SPTBN2: variants seen among roughly 807,000 people sequenced by gnomAD.
The protein encoded by SPTBN2 is spectrin beta, non-erythrocytic 2.
SPTBN2 carries 107 observed loss-of-function variants against 284.2 expected under a neutral mutation model. The observed-to-expected ratio is 0.38, with a 90% confidence interval of 0.32 to 0.44. The LOEUF (loss-of-function observed/expected upper bound fraction) is 0.44. Among genes scored for constraint, SPTBN2 ranks in the 20% least tolerant of loss-of-function variants. The probability of loss-of-function intolerance (pLI) is 1.00; values close to 1 mark genes in which losing one functional copy is unlikely to be tolerated. For synonymous variants in SPTBN2, 1,289 were observed against 1,354.8 expected (o/e 0.95, Z 1.07); for missense variants, 2,569 against 3,287.1 (o/e 0.78, Z 5.34).
intron 15 of SPTBN2, 115 bp downstream of exon 15, chr11:66,704,483 C>A: frequency 8.1e-7 from 1 of 1,241,466 alleles, no homozygotes; most frequent in South Asian, 1.5e-5. Flanking sequence ...AATGGACAAC[C>A]ATTAAGACTC....
In SPTBN2 at chr11:66,705,674, G is replaced by A. The variant is rs756583074; in HGVS notation, c.1807+10C>T. 2 of 1,610,662 alleles carry A rather than the reference G, an allele frequency of 1.2e-6. No homozygotes were observed. Among genetic ancestry groups the A allele is most frequent in the African/African-American group, 1.3e-5 (1 of 74,916 alleles). On this transcript the variant is annotated intron_variant, in intron 14 of 37. Coordinates refer to ENST00000533211, the MANE Select transcript of SPTBN2 (RefSeq NM_006946.4). ...CCCCTCCCTCTCCAGTGCCTTCGCT[G>A]ACTTCTCACCTTTCCCTGGGTTGCA...
chr11:66,689,550 C>T (rs532722350), intron 29 of SPTBN2, among the ~76,000 whole-genome samples: 153 of 152,084 alleles, frequency 1.0e-3, no homozygotes, highest in African/African-American at 3.6e-3. Context: ...GTGATCTGCC[C>T]GCCTGGGCCT....
chr11:66,697,114 G>C (rs559368828), intron 20 of SPTBN2, among the ~76,000 whole-genome samples: 3 of 152,278 alleles, frequency 2.0e-5, no homozygotes, highest in African/African-American at 7.2e-5. Context: ...CTTGTGCCGT[G>C]GCTGTGAGAG....
intron 3 of SPTBN2, among the ~76,000 whole-genome samples, chr11:66,720,653 A>G (rs1437775576): frequency 6.6e-6 from 1 of 152,138 alleles, no homozygotes. Context: ...ACAGGTGGAG[A>G]GGGAGCAGAG....
intron 3 of SPTBN2, 89 bp from the exon 4 acceptor site, chr11:66,716,070 G>A: frequency 1.9e-6 from 3 of 1,576,658 alleles, no homozygotes. Context: ...GGATGGAGAA[G>A]CCTGAGAGAT....
intron 1 of SPTBN2, among the ~76,000 whole-genome samples, chr11:66,734,904 AAGCAGC>A (rs547474699): frequency 1.7e-3 from 260 of 152,284 alleles, no homozygotes; most frequent in African/African-American, 5.9e-3. Flanking sequence ...TCCATCACTT[AAGCAGC>A]AGCAGCAGCA....
At position 66,705,665 on chromosome 11, in the gene SPTBN2, G is replaced by T; in HGVS notation, c.1807+19C>A. On this transcript the variant is annotated intron_variant, in intron 14 of 37. Coordinates refer to ENST00000533211, the MANE Select transcript of SPTBN2 (RefSeq NM_006946.4). ...CCTTCCCAGCCCCTCCCTCTCCAGT[G>T]CCTTCGCTGACTTCTCACCTTTCCC... The T allele has an allele frequency of 6.2e-7, 1 of 1,609,614 alleles. No homozygotes were observed.
chr11:66,688,388 C>G, intron 31 of SPTBN2, 77 bp from the exon 32 acceptor site: 1 of 1,544,068 alleles, frequency 6.5e-7, no homozygotes, highest in Non-Finnish European at 8.7e-7. Flanking sequence ...GCTGAAATGT[C>G]TCAACTCTAA....
intron 15 of SPTBN2, among the ~76,000 whole-genome samples, chr11:66,703,326 C>A (rs1941347146): frequency 6.6e-6 from 1 of 152,102 alleles, no homozygotes; most frequent in South Asian, 2.1e-4. Context: ...AAGTGATACT[C>A]CTGCCTTGGC....
intron 15 of SPTBN2, 69 bp downstream of exon 15, chr11:66,704,529 C>T: frequency 3.2e-6 from 5 of 1,545,598 alleles, no homozygotes; most frequent in Non-Finnish European, 1.8e-6. Flanking sequence ...GAGGGACTCA[C>T]CACCCACATC....
chr11:66,714,041 C>A, intron 7 of SPTBN2, 50 bp downstream of exon 7: 1 of 1,589,048 alleles, frequency 6.3e-7, no homozygotes, highest in South Asian at 1.1e-5. Context: ...CACCCCAGGT[C>A]ATTAGCCGAC....
At chr11:66,689,495 A>C in intron 29 of SPTBN2, 1 of 541,966 alleles carries the variant, frequency 1.8e-6, no homozygotes, top group South Asian at 2.0e-5. Flanking sequence ...CAGCCCAGCC[A>C]CACAACCCAT....
chr11:66,738,513 T>A (rs985223942), intron 1 of SPTBN2, among the ~76,000 whole-genome samples: 5 of 152,160 alleles, frequency 3.3e-5, no homozygotes, highest in African/African-American at 1.2e-4. Flanking sequence ...GACTTTATTA[T>A]TTTTAAATTA....
At chr11:66,688,520 A>T in intron 31 of SPTBN2, 133 bp downstream of exon 31, 1 of 1,459,558 alleles carries the variant, frequency 6.9e-7, no homozygotes, top group Admixed American at 2.0e-5. Context: ...GTGTGGTGAC[A>T]ATGGCACTCT....
intron 8 of SPTBN2, 75 bp downstream of exon 8, chr11:66,713,556 C>T (rs923695070): frequency 2.3e-5 from 27 of 1,173,164 alleles, no homozygotes; most frequent in African/African-American, 4.5e-5. Flanking sequence ...CTTCCCCCTC[C>T]GCAGCCCCTG....
Position 66,715,358 on chromosome 11 carries a change from A to G in SPTBN2, c.347T>C (p.Leu116Pro). The G allele has an allele frequency of 6.2e-7, 1 of 1,614,094 alleles. No individual in the cohort carries two copies. The highest frequency in any genetic ancestry group is 1.1e-5 in the South Asian group (1 of 91,074). Reference protein sequence around the residue: ...PTKGRMRIHCLENVDKALQFL... With the variant: ...PTKGRMRIHCPENVDKALQFL... ...CTGCAGTGCCTTGTCCACGTTCTCC[A>G]GGCAGTGGATCCGCATGCGGCCCTT... Residue 116 changes from leucine (L) to proline (P), a missense_variant, in exon 5 of 38, where the codon CTG becomes CCG. By Grantham distance (98) the Leu-to-Pro change is moderately conservative. Around this residue, in one of 6 missense-constraint regions of SPTBN2, gnomAD observed 304 missense variants for 522.1 expected, o/e 0.58. Coordinates refer to ENST00000533211, the MANE Select transcript of SPTBN2 (RefSeq NM_006946.4). This position sits in a 1 kb window ranked among gnomAD's most constrained non-coding sequence, Gnocchi z 5.3.
intron 1 of SPTBN2, among the ~76,000 whole-genome samples, chr11:66,738,311 G>A (rs778218283): frequency 1.3e-5 from 2 of 152,100 alleles, no homozygotes; most frequent in African/African-American, 2.4e-5. Flanking sequence ...ATTTCTGGGA[G>A]GATTTTCCTA....
chr11:66,693,870 G>A lies in SPTBN2; in HGVS notation c.4504-9C>T, dbSNP rs927650844. 1 of 1,613,354 alleles carries A rather than the reference G, an allele frequency of 6.2e-7. No homozygotes were observed. Among genetic ancestry groups the A allele is most frequent in the Non-Finnish European group, 8.5e-7 (1 of 1,179,628 alleles). On this transcript the variant is annotated splice_polypyrimidine_tract_variant and intron_variant, in intron 22 of 37. Coordinates refer to ENST00000533211, the MANE Select transcript of SPTBN2 (RefSeq NM_006946.4). This position sits in a 1 kb window ranked among gnomAD's most constrained non-coding sequence, Gnocchi z 5.7. Reference sequence around the variant, plus strand: ...CGCTCTGTCACCCACAACTGGAAGAGGAAGAGGGGGTCAGTGGAGGCCCAG... The same window carrying A: ...CGCTCTGTCACCCACAACTGGAAGAAGAAGAGGGGGTCAGTGGAGGCCCAG...
In SPTBN2 at chr11:66,688,821, A is replaced by C. The variant is rs748137168; in HGVS notation, c.6063T>G (p.Asp2021Glu). Reference protein sequence around the residue: ...LVLEVLVFGRDAGMAEAWLCS... With the variant: ...LVLEVLVFGREAGMAEAWLCS... The stretch of plus-strand genomic sequence containing the variant: ...AGAGCCAGGCCTCTGCCATCCCTGC[A>C]TCTCTTCCAAACACAAGCACCTCCA... Residue 2021 changes from aspartate to glutamate, a missense_variant, in exon 31 of 38, where the codon GAT becomes GAG. This residue lies in a region of SPTBN2 where 1,130 missense variants were observed against 1,317.3 expected (regional missense o/e 0.86). Coordinates refer to ENST00000533211, the MANE Select transcript of SPTBN2 (RefSeq NM_006946.4). 1.9e-5 allele frequency: 30 copies of C among 1,612,430 alleles called. No homozygotes were observed. Among genetic ancestry groups the C allele is most frequent in the Non-Finnish European group, 2.4e-5 (28 of 1,180,006 alleles).
Sources: gnomAD v4.1 joint callset for allele counts (sites outside exome capture counted in the v4.1 genomes callset) on GRCh38, gnomAD v4.1.1 for gene constraint, gnomAD v4.1.1 regional missense constraint, Gnocchi (gnomAD v3.1) non-coding constraint, MANE v1.5 for transcripts, NCBI Gene and HGNC (gene_info 2026-07-23, HGNC 2026-07-21) for gene names.